ITGAM: variants seen among roughly 807,000 people sequenced by gnomAD.
ITGAM encodes the protein integrin alpha-M.
A neutral mutation model predicts 137.5 loss-of-function variants in ITGAM; 79 were observed. That is an observed-to-expected ratio of 0.57 (90% CI 0.48 to 0.69). The LOEUF is 0.69. Among genes scored for constraint, ITGAM ranks in the 30% least tolerant of loss-of-function variants. The pLI, the probability that ITGAM is intolerant of heterozygous loss-of-function variation, is 0.00. For missense variants in ITGAM, 1,343 were observed against 1,483.5 expected (o/e 0.91, Z 1.56); for synonymous variants, 583 against 592.3 (o/e 0.98, Z 0.23).
intron 12 of ITGAM, among the ~76,000 whole-genome samples, chr16:31,282,834 T>C (rs1008637283): frequency 3.9e-5 from 6 of 152,096 alleles, no homozygotes; most frequent in African/African-American, 1.2e-4. Flanking sequence ...TACAATTTGG[T>C]ATGTTTTTGC....
chr16:31,294,541 T>G (rs1597005339), intron 12 of ITGAM, among the ~76,000 whole-genome samples: 1 of 152,210 alleles, frequency 6.6e-6, no homozygotes, highest in East Asian at 1.9e-4. Flanking sequence ...TATTTATTGA[T>G]TTGCATATGT....
At chr16:31,264,609 A>T (rs1375433924) in intron 2 of ITGAM, among the ~76,000 whole-genome samples, 3 of 151,696 alleles carry the variant, frequency 2.0e-5, no homozygotes, top group Non-Finnish European at 4.4e-5. Flanking sequence ...ATGCCACTGG[A>T]CTCCATCTTG....
rs1426316799 is a variant in ITGAM, at chr16:31,302,991, TCTTTC to T, written c.1707+5038_1707+5042del. ...TTCTTTCTTTCTTTCTTTCTTTCTT[TCTTTC>T]TTTTTCTTTCTCTCTTTCTTTCTCT... On this transcript the variant is annotated intron_variant, in intron 14 of 29. Coordinates refer to ENST00000544665, the MANE Select transcript of ITGAM (RefSeq NM_000632.4). 1.4e-3 allele frequency among the ~76,000 whole-genome samples: 199 copies of T among 139,788 alleles called. 1 individual carries two copies. The highest frequency in any genetic ancestry group is 2.1e-3 in the Non-Finnish European group (136 of 64,778). The allele number at this position is 139,788 out of a possible 152,430, so 91.7% of individuals were successfully genotyped here. A position where few individuals can be genotyped will look rare whatever the true frequency, so the allele number is the denominator to read the frequency against.
chr16:31,270,890 T>C lies in ITGAM; in HGVS notation c.428-64T>C, dbSNP rs1034593552. 4.0e-6 allele frequency: 5 copies of C among 1,243,116 alleles called. No individual in the cohort carries two copies. In the African/African-American group the frequency reaches 4.6e-5, roughly 11 times the overall value. 77.0% of individuals were successfully genotyped at this position (1,243,116 alleles called of 1,614,324 possible). On this transcript the variant is annotated intron_variant, in intron 5 of 29. Transcript: ENST00000544665. Reference sequence around the variant, plus strand: ...CTCATTGTTCAGCAGAGGGCTGACATGCAAAAAAACCCAAAACACCAAGTG... The same window carrying C: ...CTCATTGTTCAGCAGAGGGCTGACACGCAAAAAAACCCAAAACACCAAGTG...
chr16:31,301,477 T>C (rs1381514612), intron 14 of ITGAM, among the ~76,000 whole-genome samples: 2 of 152,184 alleles, frequency 1.3e-5, no homozygotes, highest in South Asian at 2.1e-4. Context: ...CTTTGTCATT[T>C]ATATATATAA....
chr16:31,322,181 A>G (rs551085162), intron 16 of ITGAM, among the ~76,000 whole-genome samples: 1 of 152,268 alleles, frequency 6.6e-6, no homozygotes, highest in Non-Finnish European at 1.5e-5. Context: ...GCTAGGCATG[A>G]TGGCATGTTC....
chr16:31,302,914 CTCCCTCTT>C (rs2080223507), intron 14 of ITGAM, among the ~76,000 whole-genome samples: 1 of 143,958 alleles, frequency 6.9e-6, no homozygotes, highest in Non-Finnish European at 1.5e-5. Context: ...CTCTCTTTCC[CTCCCTCTT>C]TCTTTCTTTC....
chr16:31,331,243 C>A lies in ITGAM; in HGVS notation c.3355C>A (p.Leu1119Ile), dbSNP rs1162148773. Residue 1119 changes from leucine (L) to isoleucine (I), a missense_variant, in exon 29 of 30, where the codon CTC becomes ATC. By Grantham distance (5) the Leu-to-Ile change is conservative. Transcript: ENST00000544665. ...IVGSSVGGLL[L>I]LALITAALYK... ...GGGCAGCTCTGTCGGGGGACTGCTG[C>A]TCCTGGCCCTCATCACCGCCGCGCT... 3 of 1,612,812 alleles carry A rather than the reference C, an allele frequency of 1.9e-6. No homozygotes were observed. Among genetic ancestry groups the A allele is most frequent in the Non-Finnish European group, 2.5e-6 (3 of 1,179,288 alleles).
chr16:31,270,786 T>TA (rs1361193832), intron 5 of ITGAM, among the ~76,000 whole-genome samples, 168 bp from the exon 6 acceptor site: 1 of 136,386 alleles, frequency 7.3e-6, no homozygotes, highest in Admixed American at 7.7e-5. Context: ...ACACACACGT[T>TA]AAAAATTATA....
chr16:31,324,553 G>A lies in ITGAM; in HGVS notation c.2157G>A (p.Pro719=), dbSNP rs373315519. The A allele has an allele frequency of 1.9e-5, 31 of 1,609,388 alleles. No homozygotes were observed. The highest frequency in any genetic ancestry group is 3.3e-4 in the Middle Eastern group (2 of 6,074). ...QTCETLKLQL[P]NCIEDPVSPI... ...GTGAGACCCTGAAACTACAGTTGCCGGTGAGCAGGCTAGTGGCCAGACCCC... is the reference window on the plus strand; with the variant it reads ...GTGAGACCCTGAAACTACAGTTGCCAGTGAGCAGGCTAGTGGCCAGACCCC... Residue 719 remains proline, a splice_region_variant and synonymous_variant, in exon 17 of 30, where the codon CCG becomes CCA. Transcript: ENST00000544665. This position sits in a 1 kb window ranked among gnomAD's most constrained non-coding sequence, Gnocchi z 4.5.
At chr16:31,325,727 T>C (rs1187921522) in intron 21 of ITGAM, 105 bp downstream of exon 21, 1 of 1,349,544 alleles carries the variant, frequency 7.4e-7, no homozygotes, top group African/African-American at 1.5e-5. Context: ...ACAAAACAGC[T>C]TTATTGAGAT....
intron 14 of ITGAM, among the ~76,000 whole-genome samples, chr16:31,301,156 C>A (rs2080193565): frequency 6.6e-6 from 1 of 152,198 alleles, no homozygotes; most frequent in South Asian, 2.1e-4. Context: ...ATTGCTCAAA[C>A]CACCATCTTT....
chr16:31,309,192 A>G (rs2080296320), intron 14 of ITGAM, among the ~76,000 whole-genome samples: 1 of 23,734 alleles, frequency 4.2e-5, no homozygotes, highest in Non-Finnish European at 8.0e-5. Context: ...GCTGAGTTCA[A>G]TTCCTGGATA....
At chr16:31,270,343 C>G (rs1189734293) in intron 5 of ITGAM, among the ~76,000 whole-genome samples, 1 of 151,682 alleles carries the variant, frequency 6.6e-6, no homozygotes, top group African/African-American at 2.4e-5. Flanking sequence ...CTCAAGTGAT[C>G]CACCTGCCTC....
chr16:31,325,650 T>C, intron 21 of ITGAM, 28 bp downstream of exon 21: 1 of 1,596,474 alleles, frequency 6.3e-7, no homozygotes, highest in Non-Finnish European at 8.5e-7. Flanking sequence ...CTCCCCTCCT[T>C]TTCTCTTTGA....
rs1302141096 is a variant in ITGAM at position 31,324,470 on chromosome 16, A to T, written c.2074A>T (p.Asn692Tyr). Residue 692 changes from asparagine to tyrosine, a missense_variant, in exon 17 of 30, where the codon AAT becomes TAT. Coordinates refer to ENST00000544665, the MANE Select transcript of ITGAM (RefSeq NM_000632.4). The surrounding 1 kb of genome is among the most constrained non-coding windows in gnomAD (Gnocchi z 4.5). Reference protein sequence around the residue: ...SGRPHSRAVFNETKNSTRRQT... With the variant: ...SGRPHSRAVFYETKNSTRRQT... ...CCGCCCACATTCCCGCGCCGTCTTC[A>T]ATGAGACAAAGAACAGCACACGCAG... 6.3e-7 allele frequency: 1 copy of T among 1,579,682 alleles called. No individual in the cohort carries two copies. The highest frequency in any genetic ancestry group is 8.6e-7 in the Non-Finnish European group (1 of 1,163,358).
In ITGAM at chr16:31,277,996, C is replaced by G. The variant is rs192388678; in HGVS notation, c.1243C>G (p.Arg415Gly). 5 of 1,602,444 alleles carry G rather than the reference C, an allele frequency of 3.1e-6. No individual in the cohort carries two copies. The Admixed American group carries it at 5.1e-5, about 16-fold the overall frequency. ...TGCTGCCGCCATCATCTTACGGAAC[C>G]GGGTGCAAAGCCTGGTTCTGGGGGC... ...GYAAAIILRN[R>G]VQSLVLGAPR... The change falls in exon 12 of 30, where the codon CGG becomes GGG. Residue 415 changes from arginine to glycine, a missense_variant. Transcript: ENST00000544665.
In ITGAM at chr16:31,273,338, A is replaced by G. The variant is rs188244704; in HGVS notation, c.705-27A>G. ...CTAGTGTGTCATCTACTTGCATTTGACTTTGTCCCTCCTGTTTCCTGCACA... is the reference window on the plus strand; with the variant it reads ...CTAGTGTGTCATCTACTTGCATTTGGCTTTGTCCCTCCTGTTTCCTGCACA... On this transcript the variant is annotated intron_variant, in intron 7 of 29. Transcript: ENST00000544665. 4 of 1,588,362 alleles carry G rather than the reference A, an allele frequency of 2.5e-6. No individual in the cohort carries two copies. In the Admixed American group the frequency reaches 7.2e-5, roughly 29 times the overall value.
At chr16:31,266,249 A>G in intron 5 of ITGAM, 102 bp downstream of exon 5, 1 of 771,340 alleles carries the variant, frequency 1.3e-6, no homozygotes, top group Admixed American at 2.2e-5. Flanking sequence ...TGGGTGCAGA[A>G]GAGTGGGGGA....
Sources: allele counts gnomAD v4.1 joint callset (sites outside exome capture counted in the v4.1 genomes callset), GRCh38; gene constraint gnomAD v4.1.1; non-coding constraint Gnocchi (gnomAD v3.1); transcripts MANE v1.5; gene names NCBI Gene and HGNC (gene_info 2026-07-23, HGNC 2026-07-21).